Variants in TGIF1 observed in about 807,000 individuals in gnomAD.
TGIF1 encodes the protein TGFB induced factor homeobox 1, also known as homeobox protein TGIF1.
TGIF1 carries 4 observed loss-of-function variants against 19.3 expected under a neutral mutation model. The observed-to-expected ratio is 0.21, with a 90% confidence interval of 0.10 to 0.47. The LOEUF is 0.47. Ranked by LOEUF, TGIF1 falls within the 20% of genes least tolerant of loss-of-function variation. The pLI, the probability that TGIF1 is intolerant of heterozygous loss-of-function variation, is 0.98. For synonymous variants in TGIF1, 122 were observed against 129.3 expected (o/e 0.94, Z 0.38); for missense variants, 275 against 341.4 (o/e 0.81, Z 1.53).
intron 2 of TGIF1, among the ~76,000 whole-genome samples, chr18:3,443,452 G>A (rs2082699451): frequency 6.6e-6 from 1 of 151,288 alleles, no homozygotes; most frequent in Non-Finnish European, 1.5e-5. Context: ...TTGTCTCCCA[G>A]ACTGGACAAC....
intron 2 of TGIF1, among the ~76,000 whole-genome samples, chr18:3,423,357 G>A (rs1372625133): frequency 6.6e-6 from 1 of 152,006 alleles, no homozygotes; most frequent in South Asian, 2.1e-4. Context: ...ACCAGCCTGG[G>A]CAACATAGTG....
At chr18:3,445,752 AAGAG>A (rs1555648622), upstream of TGIF1, among the ~76,000 whole-genome samples, 6 of 115,048 alleles carry the variant, frequency 5.2e-5, no homozygotes, top group South Asian at 2.6e-4. Flanking sequence ...AAAAAAAAAA[AAGAG>A]AAGAAAAGCA....
At chr18:3,422,287 T>A (rs2143139856) in intron 2 of TGIF1, among the ~76,000 whole-genome samples, 2 of 122,484 alleles carry the variant, frequency 1.6e-5, no homozygotes, top group African/African-American at 3.6e-5. Context: ...TAACAAAAAG[T>A]TTAAAAAGTA....
At chr18:3,447,160 T>C (rs1197013777), upstream of TGIF1, among the ~76,000 whole-genome samples, 2 of 152,112 alleles carry the variant, frequency 1.3e-5, no homozygotes, top group Non-Finnish European at 2.9e-5. Context: ...CTTCAGAAGA[T>C]AAGACGCCAA....
At chr18:3,452,884 TC>T (rs1488354875) in intron 1 of TGIF1, among the ~76,000 whole-genome samples, 1 of 152,190 alleles carries the variant, frequency 6.6e-6, no homozygotes, top group African/African-American at 2.4e-5. Context: ...TAGTGTGTCC[TC>T]CCAGAAAGCT....
chr18:3,451,624 G>C lies in TGIF1; in HGVS notation c.16+1119G>C. On this transcript the variant is annotated intron_variant, in intron 1 of 2. Transcript: ENST00000343820. This position sits in a 1 kb window ranked among gnomAD's most constrained non-coding sequence, Gnocchi z 5.4. Reference sequence around the variant, plus strand: ...TTTCAGACCCGGCCCGCTGCGGGGCGTTCCTGGGGGGTAGCCTCAAGGCCA... The same window carrying C: ...TTTCAGACCCGGCCCGCTGCGGGGCCTTCCTGGGGGGTAGCCTCAAGGCCA... 1 of 1,093,624 alleles carries C rather than the reference G, an allele frequency of 9.1e-7. No homozygotes were observed. The highest frequency in any genetic ancestry group is 1.1e-6 in the Non-Finnish European group (1 of 900,574). 67.7% of individuals were successfully genotyped at this position (1,093,624 alleles called of 1,614,324 possible).
chr18:3,424,731 C>T (rs886207741), intron 2 of TGIF1, among the ~76,000 whole-genome samples: 25 of 152,144 alleles, frequency 1.6e-4, no homozygotes, highest in African/African-American at 6.0e-4. Context: ...ATGATGTAAT[C>T]AATCATGCCT....
At chr18:3,415,816 A>T (rs1001706283) in intron 1 of TGIF1, among the ~76,000 whole-genome samples, 6 of 152,298 alleles carry the variant, frequency 3.9e-5, no homozygotes, top group African/African-American at 1.4e-4. Context: ...CTGTCCAAGG[A>T]TACAACACCC....
chr18:3,447,339 TAAA>T (rs11421150), upstream of TGIF1, among the ~76,000 whole-genome samples: 1,038 of 141,710 alleles, frequency 7.3e-3, 16 homozygotes, highest in African/African-American at 0.025. Flanking sequence ...CTATATACTT[TAAA>T]AAAAAAAAAA....
intron 2 of TGIF1, among the ~76,000 whole-genome samples, chr18:3,442,738 A>T (rs2082690793): frequency 6.6e-6 from 1 of 152,152 alleles, no homozygotes; most frequent in Admixed American, 6.5e-5. Context: ...TTAAATAAAT[A>T]AAAAATCTTT....
upstream of TGIF1, chr18:3,447,771 C>T: frequency 6.2e-7 from 1 of 1,614,168 alleles, no homozygotes; most frequent in Non-Finnish European, 8.5e-7. Context: ...TGTGCATTGG[C>T]CCGATCAAGC....
intron 1 of TGIF1, chr18:3,415,168 C>T (rs781024603): frequency 1.7e-5 from 3 of 177,398 alleles, no homozygotes; most frequent in South Asian, 1.3e-4. Context: ...TGCCTTCCGG[C>T]GACCCGGAGC....
intron 1 of TGIF1, chr18:3,452,322 T>A: frequency 6.2e-7 from 1 of 1,612,884 alleles, no homozygotes; most frequent in Middle Eastern, 1.7e-4. Context: ...ACTTCCGCGG[T>A]CCCCATCCCA....
upstream of TGIF1, among the ~76,000 whole-genome samples, chr18:3,445,920 G>C (rs1048634326): frequency 2.0e-5 from 3 of 151,812 alleles, no homozygotes; most frequent in African/African-American, 4.8e-5. Flanking sequence ...ACATCCATCT[G>C]ACCTTCTGAA....
intron 1 of TGIF1, among the ~76,000 whole-genome samples, chr18:3,417,264 A>G (rs1307340729): frequency 6.6e-6 from 1 of 152,112 alleles, no homozygotes; most frequent in Non-Finnish European, 1.5e-5. Context: ...GGTTCAAGCT[A>G]TTCTCCAGCC....
upstream of TGIF1, chr18:3,449,329 C>T (rs2082823878): frequency 2.1e-6 from 2 of 965,648 alleles, no homozygotes; most frequent in Admixed American, 6.2e-5. Flanking sequence ...TGGCCGCTGC[C>T]GGGGTTCGGC....
chr18:3,412,891 G>C (rs1394605729), intron 1 of TGIF1: 2 of 152,174 alleles, frequency 1.3e-5, no homozygotes, highest in Non-Finnish European at 2.9e-5. Context: ...GGCGTCACAC[G>C]CCTGTAGTCC....
In TGIF1 at chr18:3,459,534, CA is replaced by C. The variant is rs1241489152; in HGVS notation, c.*1596del. ...CCAAAAAGTACTAGTAAAGTAAATA[CA>C]AGGAACAAAATAAACATTAATAAAA... On this transcript the variant is annotated 3_prime_UTR_variant, in exon 3 of 3. Coordinates refer to ENST00000343820, the MANE Select transcript of TGIF1 (RefSeq NM_003244.4). The C allele has an allele frequency of 1.3e-5, 2 of 152,114 alleles. No individual in the cohort carries two copies. Among genetic ancestry groups the C allele is most frequent in the African/African-American group, 4.8e-5 (2 of 41,422 alleles). The allele number at this position is 152,114 out of a possible 1,614,324, so 9.4% of individuals were successfully genotyped here. A position where few individuals can be genotyped will look rare whatever the true frequency, so the allele number is the denominator to read the frequency against.
intron 2 of TGIF1, among the ~76,000 whole-genome samples, chr18:3,420,677 C>A (rs1434515337): frequency 6.6e-6 from 1 of 152,200 alleles, no homozygotes; most frequent in African/African-American, 2.4e-5. Context: ...GCCACACTAA[C>A]ACTAATCAAA....
Sources: allele counts gnomAD v4.1 joint callset (sites outside exome capture counted in the v4.1 genomes callset), GRCh38; gene constraint gnomAD v4.1.1; non-coding constraint Gnocchi (gnomAD v3.1); transcripts MANE v1.5; gene names NCBI Gene and HGNC (gene_info 2026-07-23, HGNC 2026-07-21).